The following CXCL17 variants were observed in gnomAD, a reference collection of about 807,000 sequenced individuals.
CXCL17 encodes the protein C-X-C motif chemokine 17.
A neutral mutation model predicts 15.5 loss-of-function variants in CXCL17; 9 were observed. That is an observed-to-expected ratio of 0.58 (90% confidence interval 0.35 to 1.01). CXCL17 has a LOEUF of 1.01. Among genes scored for constraint, CXCL17 ranks in the 50% least tolerant of loss-of-function variants. CXCL17 has a pLI of 0.02. For synonymous variants in CXCL17, 52 were observed against 52.3 expected (o/e 0.99, Z 0.02); for missense variants, 133 against 138.2 (o/e 0.96, Z 0.19).
Position 42,430,324 on chromosome 19 carries a change from G to A in CXCL17, c.263-1343C>T, listed in dbSNP as rs577353651. On this transcript the variant is annotated intron_variant, in intron 3 of 3. Transcript: ENST00000601181. ...GAAATAGAATATTGTGTCCGGGCAC[G>A]GTGGCTCATGCCTGTAATCCCTGCA... Among the ~76,000 whole-genome samples the A allele has an allele frequency of 3.9e-3, 590 of 151,726 alleles. 6 individuals are homozygous for A. The highest frequency in any genetic ancestry group is 0.013 in the African/African-American group (547 of 41,348).
intron 2 of CXCL17, 35 bp from the exon 3 acceptor site, chr19:42,433,112 T>C (rs889642907): frequency 4.1e-6 from 6 of 1,463,512 alleles, no homozygotes; most frequent in African/African-American, 1.4e-5. Flanking sequence ...GATGGGAGAG[T>C]TAATACATTT....
rs775051637 is a variant in CXCL17 at position 42,433,862 on chromosome 19, G to A, written c.80-6C>T. 1.7e-5 allele frequency: 27 copies of A among 1,612,492 alleles called. No homozygotes were observed. Among genetic ancestry groups the A allele is most frequent in the East Asian group, 4.5e-5 (2 of 44,874 alleles). On this transcript the variant is annotated splice_polypyrimidine_tract_variant and splice_region_variant and intron_variant, in intron 1 of 3. Coordinates refer to ENST00000601181, the MANE Select transcript of CXCL17 (RefSeq NM_198477.3). Reference sequence around the variant, plus strand: ...CCTGTGGCCTCTGGCGACCCCTGTCGGAAGGAAACAGGTCACATCCAGACA... The same window carrying A: ...CCTGTGGCCTCTGGCGACCCCTGTCAGAAGGAAACAGGTCACATCCAGACA...
At chr19:42,431,877 A>G (rs1324898137) in intron 3 of CXCL17, among the ~76,000 whole-genome samples, 2 of 151,796 alleles carry the variant, frequency 1.3e-5, no homozygotes, top group African/African-American at 4.8e-5. Context: ...GTTTTTCCCA[A>G]TTTGCCTTTG....
rs372020386 is a variant in CXCL17 at position 42,429,406 on chromosome 19, G to C, written c.263-425C>G. 5.3e-4 allele frequency among the ~76,000 whole-genome samples: 81 copies of C among 152,030 alleles called. 3 individuals are homozygous for C. The South Asian group carries it at 0.017, about 32-fold the overall frequency. ...TGCAGTGGTGCAATCTTGGCTCACT[G>C]CAACCACTGTCTCCCAGATTCAAGC... is the stretch of plus-strand genomic sequence containing the variant. On this transcript the variant is annotated intron_variant, in intron 3 of 3. Coordinates refer to ENST00000601181, the MANE Select transcript of CXCL17 (RefSeq NM_198477.3).
chr19:42,436,869 T>C (rs1039082489), intron 1 of CXCL17, among the ~76,000 whole-genome samples: 1 of 152,224 alleles, frequency 6.6e-6, no homozygotes, highest in Non-Finnish European at 1.5e-5. Context: ...AAAGTGGAAT[T>C]ACTGGGTCAA....
chr19:42,432,976 T>G lies in CXCL17; in HGVS notation c.262A>C (p.Arg88=). 1 of 1,610,960 alleles carries G rather than the reference T, an allele frequency of 6.2e-7. No individual in the cohort carries two copies. ...GGAAAATCATCCTTTGGAAACTTAC[T>G]TGTTTTCTTCACATTGCCCTTGAAA... ...DHFKGNVKKT[R]HQRHHRKPNK... is the part of the protein sequence containing the mutation. The change falls in exon 3 of 4, where the codon AGA becomes CGA. Residue 88 remains arginine, a splice_region_variant and synonymous_variant. Transcript: ENST00000601181.
Position 42,433,777 on chromosome 19 carries a change from T to C in CXCL17, c.159A>G (p.Lys53=), listed in dbSNP as rs1191981293. ...TGTTGTTGTTGCTGAATTACTGACC[T>C]TTGCACTCACATTCTTGGCCGCCTT... The part of the protein sequence containing the change: ...LQEGGQECEC[K]DWFLRAPRRK... The change falls in exon 2 of 4, where the codon AAA becomes AAG. Residue 53 remains lysine (K), a splice_region_variant and synonymous_variant. Transcript: ENST00000601181. 2.5e-6 allele frequency: 4 copies of C among 1,613,614 alleles called. No homozygotes were observed. Among genetic ancestry groups the C allele is most frequent in the Admixed American group, 1.7e-5 (1 of 60,014 alleles).
chr19:42,441,239 A>G (rs1252123540), intron 1 of CXCL17, among the ~76,000 whole-genome samples: 1 of 152,176 alleles, frequency 6.6e-6, no homozygotes, highest in South Asian at 2.1e-4. Context: ...AAGGCAGCAG[A>G]TGATAAGTGC....
At chr19:42,438,398 AT>A (rs2057210878) in intron 1 of CXCL17, among the ~76,000 whole-genome samples, 2 of 112,262 alleles carry the variant, frequency 1.8e-5, no homozygotes, top group African/African-American at 8.1e-5. Flanking sequence ...ATATATATAT[AT>A]ATATATAAAA....
chr19:42,429,342 T>G (rs1269409173), intron 3 of CXCL17, among the ~76,000 whole-genome samples: 1 of 151,052 alleles, frequency 6.6e-6, no homozygotes, highest in African/African-American at 2.4e-5. Flanking sequence ...ATTTAATTTT[T>G]TTTTGAGATG....
At chr19:42,438,257 C>T (rs909658761) in intron 1 of CXCL17, among the ~76,000 whole-genome samples, 8 of 142,356 alleles carry the variant, frequency 5.6e-5, no homozygotes, top group Non-Finnish European at 7.5e-5. Context: ...ACTCGGGAGG[C>T]TGAGGCAGGA....
intron 1 of CXCL17, among the ~76,000 whole-genome samples, 167 bp downstream of exon 1, chr19:42,442,587 G>A (rs1248908706): frequency 1.3e-5 from 2 of 152,094 alleles, no homozygotes; most frequent in African/African-American, 2.4e-5. Context: ...AACATTGTTT[G>A]GGTGTAAGTA....
Position 42,432,983 on chromosome 19 carries a change from C to A in CXCL17, c.255G>T (p.Lys85Asn). The A allele has an allele frequency of 6.2e-7, 1 of 1,612,790 alleles. No homozygotes were observed. The highest frequency in any genetic ancestry group is 8.5e-7 in the Non-Finnish European group (1 of 1,178,818). ...CATCCTTTGGAAACTTACTTGTTTT[C>A]TTCACATTGCCCTTGAAATGATCAC... ...CPCDHFKGNV[K>N]KTRHQRHHRK... Residue 85 changes from lysine (K) to asparagine (N), a missense_variant, in exon 3 of 4, where the codon AAG becomes AAT. Coordinates refer to ENST00000601181, the MANE Select transcript of CXCL17 (RefSeq NM_198477.3).
intron 3 of CXCL17, among the ~76,000 whole-genome samples, chr19:42,430,913 C>T (rs2040773685): frequency 6.6e-6 from 1 of 152,122 alleles, no homozygotes; most frequent in Non-Finnish European, 1.5e-5. Context: ...TCTTGGCTCA[C>T]TGCAACCTCT....
At position 42,428,824 on chromosome 19, in the gene CXCL17, G is replaced by C; in HGVS notation, c.*60C>G. 1 of 1,219,022 alleles carries C rather than the reference G, an allele frequency of 8.2e-7. No individual in the cohort carries two copies. Among genetic ancestry groups the C allele is most frequent in the Middle Eastern group, 1.9e-4 (1 of 5,284 alleles). The allele number at this position is 1,219,022 out of a possible 1,614,324, so 75.5% of individuals were successfully genotyped here. A position where few individuals can be genotyped will look rare whatever the true frequency, so the allele number is the denominator to read the frequency against. Reference sequence around the variant, plus strand: ...GTGGGAGAAGAAGAGTGTCTGGTAGGTGTGCTCACTGTCTTCTTGGCTGAG... The same window carrying C: ...GTGGGAGAAGAAGAGTGTCTGGTAGCTGTGCTCACTGTCTTCTTGGCTGAG... On this transcript the variant is annotated 3_prime_UTR_variant, in exon 4 of 4. Transcript: ENST00000601181.
rs181372522 is a variant in CXCL17, at chr19:42,430,930, C to T, written c.263-1949G>A. ...TTGGCTCACTGCAACCTCTGCCTCC[C>T]GGGTTCAAATAATTCTCCTGTCTCA... On this transcript the variant is annotated intron_variant, in intron 3 of 3. Coordinates refer to ENST00000601181, the MANE Select transcript of CXCL17 (RefSeq NM_198477.3). 4.5e-3 allele frequency among the ~76,000 whole-genome samples: 678 copies of T among 152,114 alleles called. 7 individuals carry two copies. The highest frequency in any genetic ancestry group is 0.015 in the African/African-American group (631 of 41,490).
intron 1 of CXCL17, among the ~76,000 whole-genome samples, chr19:42,438,255 G>A (rs961684744): frequency 1.5e-3 from 223 of 148,510 alleles, no homozygotes; most frequent in African/African-American, 5.0e-3. Context: ...CTACTCGGGA[G>A]GCTGAGGCAG....
intron 2 of CXCL17, 26 bp from the exon 3 acceptor site, chr19:42,433,103 A>AT (rs746192529): frequency 3.4e-5 from 51 of 1,518,850 alleles, no homozygotes; most frequent in Non-Finnish European, 4.7e-5. Flanking sequence ...TGCTGCTTAG[A>AT]TGGGAGAGTT....
Position 42,432,387 on chromosome 19 carries a change from C to T in CXCL17, c.262+589G>A, listed in dbSNP as rs561810234. On this transcript the variant is annotated intron_variant, in intron 3 of 3. Coordinates refer to ENST00000601181, the MANE Select transcript of CXCL17 (RefSeq NM_198477.3). ...CTTGAACTCCTGGCCTCAAGCAATC[C>T]GCCTGCCTCGGCCTCCCAAAGTACT... Among the ~76,000 whole-genome samples, 39 of 152,212 alleles carry T rather than the reference C, an allele frequency of 2.6e-4. No homozygotes were observed. The South Asian group carries it at 5.6e-3, about 22-fold the overall frequency.
Sources: allele counts gnomAD v4.1 joint callset (sites outside exome capture counted in the v4.1 genomes callset), GRCh38; gene constraint gnomAD v4.1.1; transcripts MANE v1.5; gene names NCBI Gene and HGNC (gene_info 2026-07-23, HGNC 2026-07-21).